OSBPL7: variants seen among roughly 807,000 people sequenced by gnomAD.
OSBPL7 encodes oxysterol-binding protein-related protein 7.
Under a neutral mutation model 115.8 loss-of-function variants are expected in OSBPL7, and 66 were observed. The ratio of observed to expected loss-of-function variants is 0.57; its 90% CI spans 0.47 to 0.70. The LOEUF (loss-of-function observed/expected upper bound fraction) is 0.70, where lower values mean the gene tolerates loss of function less well. OSBPL7 is among the 30% of genes least tolerant of loss of function. The pLI is 0.00. For missense variants in OSBPL7, 902 were observed against 1,125.5 expected, an observed-to-expected ratio of 0.80 and a Z score of 2.84; for synonymous variants, 441 against 439.2, an observed-to-expected ratio of 1.00 and a Z score of -0.05.
Position 47,818,981 on chromosome 17 carries a change from G to T in OSBPL7, c.369+5C>A. 1.2e-6 allele frequency: 2 copies of T among 1,612,342 alleles called. No individual in the cohort carries two copies. Among genetic ancestry groups the T allele is most frequent in the Non-Finnish European group, 1.7e-6 (2 of 1,178,360 alleles). On this transcript the variant is annotated splice_donor_5th_base_variant and intron_variant, in intron 5 of 22. Coordinates refer to ENST00000007414, the MANE Select transcript of OSBPL7 (RefSeq NM_145798.3). Reference sequence around the variant, plus strand: ...AACACACGTCCTGCCTCCCAGGGATGTCACCTTGAGGTGGTAGATGTTGTC... The same window carrying T: ...AACACACGTCCTGCCTCCCAGGGATTTCACCTTGAGGTGGTAGATGTTGTC...
At position 47,808,737 on chromosome 17, in the gene OSBPL7, A is replaced by G. The variant is rs2032937668; in HGVS notation, c.2298-77T>C. ...AACCCAAGGCCTCTGTCTCTGCCCA[A>G]CTCTGTCCTCTAGACAAGCCCCACT... On this transcript the variant is annotated intron_variant, in intron 21 of 22. Transcript: ENST00000007414. The surrounding 1 kb of genome is among the most constrained non-coding windows in gnomAD (Gnocchi z 6.1). 2.5e-6 allele frequency: 4 copies of G among 1,605,788 alleles called. No homozygotes were observed. In the South Asian group the frequency reaches 4.4e-5, roughly 18 times the overall value.
At position 47,813,359 on chromosome 17, in the gene OSBPL7, G is replaced by A. The variant is rs1158639096; in HGVS notation, c.1644C>T (p.Tyr548=). 9.9e-6 allele frequency: 16 copies of A among 1,613,968 alleles called. No homozygotes were observed. The highest frequency in any genetic ancestry group is 1.6e-4 in the Middle Eastern group (1 of 6,082). The part of the protein sequence containing the change: ...AFAVSAYSST[Y]HRAGCKPFNP... ...TGAAGGGCTTGCAGCCGGCTCGGTG[G>A]TATGTGGAGGAGTAGGCCGAGACAG... The change falls in exon 16 of 23, where the codon TAC becomes TAT. Residue 548 remains tyrosine, a synonymous_variant. Transcript: ENST00000007414.
intron 5 of OSBPL7, 90 bp downstream of exon 5, chr17:47,818,896 T>A: frequency 1.7e-6 from 2 of 1,176,558 alleles, no homozygotes; most frequent in Non-Finnish European, 2.5e-6. Context: ...AGACCCTGAG[T>A]TCCACAGACC....
At chr17:47,810,490 A>G in intron 18 of OSBPL7, 104 bp downstream of exon 18, 1 of 994,930 alleles carries the variant, frequency 1.0e-6, no homozygotes, top group South Asian at 1.4e-5. Flanking sequence ...GCTTCAGGCC[A>G]GACCTTCCTA....
rs1332719238 is a variant in OSBPL7 at position 47,820,049 on chromosome 17, C to G, written c.123G>C (p.Gly41=). ...EVVEEPRVRL[G]TEGVMPERQE... The stretch of plus-strand genomic sequence containing the variant: ...GCCTCTCAGGCATGACACCCTCTGT[C>G]CCCAGCCTGACCCGAGGCTCCTCCA... The change falls in exon 3 of 23, where the codon GGG becomes GGC. Residue 41 remains glycine, a synonymous_variant. Coordinates refer to ENST00000007414, the MANE Select transcript of OSBPL7 (RefSeq NM_145798.3). 1 of 1,612,454 alleles carries G rather than the reference C, an allele frequency of 6.2e-7. No individual in the cohort carries two copies. The highest frequency in any genetic ancestry group is 2.2e-5 in the East Asian group (1 of 44,846).
intron 14 of OSBPL7, 42 bp downstream of exon 14, chr17:47,814,479 A>AAC: frequency 3.5e-5 from 38 of 1,086,582 alleles, no homozygotes; most frequent in East Asian, 7.4e-5. Context: ...CTGTTTTTCC[A>AAC]CCCGCCTCCC....
At position 47,820,089 on chromosome 17, in the gene OSBPL7, T is replaced by G. The variant is rs1192698550; in HGVS notation, c.83A>C (p.Glu28Ala). ...AGGCTCCTCCACCACCTCCCACAGCTCAGAGGCCTGCAGTCCAGGACAGAG... is the reference window on the plus strand; with the variant it reads ...AGGCTCCTCCACCACCTCCCACAGCGCAGAGGCCTGCAGTCCAGGACAGAG... ...SKPSSAQQAS[E>A]LWEVVEEPRV... Residue 28 changes from glutamate to alanine, a missense_variant, in exon 3 of 23, where the codon GAG (glutamate) becomes GCG (alanine). Glu to Ala is a moderately radical substitution (Grantham distance 107). Transcript: ENST00000007414. 2 of 1,612,520 alleles carry G rather than the reference T, an allele frequency of 1.2e-6. No homozygotes were observed. Among genetic ancestry groups the G allele is most frequent in the Admixed American group, 1.7e-5 (1 of 59,986 alleles).
chr17:47,812,757 C>T (rs912800607), intron 16 of OSBPL7, among the ~76,000 whole-genome samples: 1 of 152,238 alleles, frequency 6.6e-6, no homozygotes, highest in African/African-American at 2.4e-5. Flanking sequence ...GCACACACCA[C>T]CCGGGTGTGC....
intron 18 of OSBPL7, among the ~76,000 whole-genome samples, chr17:47,810,186 T>A (rs911097898): frequency 6.6e-6 from 1 of 152,226 alleles, no homozygotes; most frequent in African/African-American, 2.4e-5. Flanking sequence ...TTCAGACCTC[T>A]GCCTGTAAAA....
Position 47,816,988 on chromosome 17 carries a change from C to T in OSBPL7, c.703-116G>A, listed in dbSNP as rs2033243190. The T allele has an allele frequency of 9.6e-7, 1 of 1,039,118 alleles. No individual in the cohort carries two copies. Among genetic ancestry groups the T allele is most frequent in the Non-Finnish European group, 1.5e-6 (1 of 671,496 alleles). The allele number at this position is 1,039,118 out of a possible 1,614,324, so 64.4% of individuals were successfully genotyped here. A position where few individuals can be genotyped will look rare whatever the true frequency, so the allele number is the denominator to read the frequency against. Reference sequence around the variant, plus strand: ...CGCCATGGAGGAGGGCGCAGATTACCCAGCACAGAGGATGCGGCCGCTCAG... The same window carrying T: ...CGCCATGGAGGAGGGCGCAGATTACTCAGCACAGAGGATGCGGCCGCTCAG... On this transcript the variant is annotated intron_variant, in intron 8 of 22. Transcript: ENST00000007414. This position sits in a 1 kb window ranked among gnomAD's most constrained non-coding sequence, Gnocchi z 5.8.
chr17:47,813,468 T>C (rs1348676259), intron 15 of OSBPL7, 65 bp from the exon 16 acceptor site: 5 of 1,605,956 alleles, frequency 3.1e-6, no homozygotes, highest in African/African-American at 2.7e-5. Context: ...AAGCAAAGTA[T>C]GGGATCTTGG....
intron 12 of OSBPL7, 49 bp from the exon 13 acceptor site, chr17:47,815,401 G>A (rs747610933): frequency 1.1e-5 from 17 of 1,606,456 alleles, no homozygotes; most frequent in Admixed American, 6.8e-5. Flanking sequence ...AAGCCGGGGG[G>A]ATCAAGCAGG....
rs773139537 is a variant in OSBPL7 at position 47,808,355 on chromosome 17, T to C, written c.2465A>G (p.Asn822Ser). The C allele has an allele frequency of 1.2e-6, 2 of 1,613,894 alleles. No homozygotes were observed. The highest frequency in any genetic ancestry group is 1.7e-5 in the Admixed American group (1 of 60,012). ...SSGKEWWVTNNTYWRLRAEPG... is the reference protein window; with the variant it reads ...SSGKEWWVTNSTYWRLRAEPG... ...CTCGGCCCGCAGCCTCCAGTAGGTA[T>C]TGTTGGTCACCCACCACTCTTTCCC... Residue 822 changes from asparagine (N) to serine (S), a missense_variant, in exon 23 of 23, where the codon AAT (asparagine) becomes AGT (serine). Asn to Ser is a conservative substitution (Grantham distance 46). Coordinates refer to ENST00000007414, the MANE Select transcript of OSBPL7 (RefSeq NM_145798.3). The surrounding 1 kb of genome is among the most constrained non-coding windows in gnomAD (Gnocchi z 6.1).
chr17:47,809,916 T>C (rs1285812121), intron 18 of OSBPL7, among the ~76,000 whole-genome samples: 22 of 149,728 alleles, frequency 1.5e-4, no homozygotes, highest in Non-Finnish European at 2.4e-4. Flanking sequence ...CTTTTCTTTT[T>C]TTTTTTTTTT....
intron 7 of OSBPL7, 56 bp downstream of exon 7, chr17:47,818,213 C>A: frequency 6.6e-7 from 1 of 1,505,468 alleles, no homozygotes; most frequent in South Asian, 1.2e-5. Flanking sequence ...TTTTCCCCTC[C>A]TAGACCTGCC....
chr17:47,818,163 C>G (rs550587895), intron 7 of OSBPL7, 106 bp downstream of exon 7: 1 of 973,252 alleles, frequency 1.0e-6, no homozygotes, highest in African/African-American at 1.6e-5. Context: ...GAGGCTGTCT[C>G]ATTAAACTGG....
chr17:47,814,715 G>T (rs1337500003), intron 13 of OSBPL7, 101 bp from the exon 14 acceptor site: 7 of 992,898 alleles, frequency 7.1e-6, no homozygotes, highest in Non-Finnish European at 1.1e-5. Flanking sequence ...GCCCTTTGGT[G>T]GGAAGGGGAA....
intron 4 of OSBPL7, 59 bp from the exon 5 acceptor site, chr17:47,819,158 G>A (rs1209717453): frequency 1.4e-5 from 20 of 1,432,458 alleles, no homozygotes; most frequent in East Asian, 1.1e-4. Flanking sequence ...CAGAGCCATA[G>A]AGCCACCATC....
chr17:47,812,531 G>GCA (rs2033077656), intron 16 of OSBPL7, among the ~76,000 whole-genome samples: 1 of 152,146 alleles, frequency 6.6e-6, no homozygotes, highest in African/African-American at 2.4e-5. Flanking sequence ...GCACCACCAT[G>GCA]CACCCACTGA....
Sources: gnomAD v4.1 joint callset for allele counts (sites outside exome capture counted in the v4.1 genomes callset) on GRCh38, gnomAD v4.1.1 for gene constraint, Gnocchi (gnomAD v3.1) non-coding constraint, MANE v1.5 for transcripts, NCBI Gene and HGNC (gene_info 2026-07-23, HGNC 2026-07-21) for gene names.